GIPC2: variants seen among roughly 807,000 people sequenced by gnomAD.
The protein encoded by GIPC2 is GIPC PDZ domain containing family member 2.
A neutral mutation model predicts 30.6 loss-of-function variants in GIPC2; 30 were observed. The ratio of observed to expected loss-of-function variants is 0.98; its 90% CI spans 0.73 to 1.33. The LOEUF is 1.33. Among genes scored for constraint, GIPC2 ranks in the 40% most tolerant of loss-of-function variants. The pLI is 0.00. For synonymous variants in GIPC2, 167 were observed against 150.0 expected (o/e 1.11, Z -0.83); for missense variants, 414 against 390.3 (o/e 1.06, Z -0.51).
chr1:78,129,818 T>A (rs1248750570), intron 5 of GIPC2, among the ~76,000 whole-genome samples: 2 of 152,216 alleles, frequency 1.3e-5, no homozygotes, highest in Non-Finnish European at 2.9e-5. Context: ...AAGTTGTGTA[T>A]AGAACTATAA....
At chr1:78,045,809 A>G, upstream of GIPC2, 1 of 1,196,448 alleles carries the variant, frequency 8.4e-7, no homozygotes, top group Non-Finnish European at 1.0e-6. Context: ...GTTCACGTAA[A>G]TAGAGCCATT....
intron 3 of GIPC2, among the ~76,000 whole-genome samples, chr1:78,099,198 A>C (rs1464483889): frequency 1.3e-5 from 2 of 152,140 alleles, no homozygotes; most frequent in African/African-American, 4.8e-5. Flanking sequence ...TGCCCTAGAC[A>C]ATAATAGTTA....
At chr1:78,051,133 C>T (rs184617972) in intron 1 of GIPC2, among the ~76,000 whole-genome samples, 31 of 148,636 alleles carry the variant, frequency 2.1e-4, no homozygotes, top group African/African-American at 5.2e-4. Context: ...TAAGAAAAGA[C>T]GTATAATAAA....
chr1:78,101,416 A>G (rs1474013367), intron 3 of GIPC2, among the ~76,000 whole-genome samples: 2 of 152,258 alleles, frequency 1.3e-5, no homozygotes, highest in African/African-American at 2.4e-5. Context: ...AAAGTAGAAT[A>G]GAGTTGAAAA....
intron 1 of GIPC2, among the ~76,000 whole-genome samples, chr1:78,052,741 G>A (rs1486234948): frequency 2.0e-5 from 3 of 152,166 alleles, no homozygotes; most frequent in Non-Finnish European, 4.4e-5. Context: ...GGCTCTGTTT[G>A]CAAGCATAGT....
chr1:78,123,822 G>A (rs866467876), intron 4 of GIPC2, among the ~76,000 whole-genome samples: 5 of 152,134 alleles, frequency 3.3e-5, no homozygotes, highest in Non-Finnish European at 7.4e-5. Context: ...TAGATATAAA[G>A]GTTAATACCT....
chr1:78,092,109 T>C (rs113019062), intron 2 of GIPC2: 12 of 1,138,338 alleles, frequency 1.1e-5, no homozygotes, highest in Non-Finnish European at 1.5e-5. Context: ...CTGTGGTATA[T>C]GGAAAAGTAG....
chr1:78,133,652 A>ATGTAG (rs1337766681), intron 5 of GIPC2, among the ~76,000 whole-genome samples: 1 of 152,102 alleles, frequency 6.6e-6, no homozygotes, highest in African/African-American at 2.4e-5. Flanking sequence ...TACAGCATTA[A>ATGTAG]TGTAGTGTAG....
intron 5 of GIPC2, among the ~76,000 whole-genome samples, chr1:78,133,266 C>T (rs1050315423): frequency 6.6e-6 from 1 of 152,120 alleles, no homozygotes; most frequent in Admixed American, 6.6e-5. Flanking sequence ...AAAAAATACA[C>T]AGAAAAATAA....
intron 1 of GIPC2, among the ~76,000 whole-genome samples, chr1:78,062,829 T>C (rs1661419253): frequency 6.6e-6 from 1 of 152,168 alleles, no homozygotes. Flanking sequence ...GAACACCTAT[T>C]ACCACTTAAC....
intron 5 of GIPC2, among the ~76,000 whole-genome samples, chr1:78,126,531 T>G (rs1162706654): frequency 1.3e-5 from 2 of 150,358 alleles, no homozygotes; most frequent in African/African-American, 4.9e-5. Flanking sequence ...CAAAAAACCC[T>G]AATTCCAGCT....
intron 1 of GIPC2, among the ~76,000 whole-genome samples, chr1:78,056,131 C>T (rs7523750): frequency 1.2e-4 from 18 of 152,266 alleles, no homozygotes; most frequent in Admixed American, 1.2e-3. Context: ...TAATGTCTGT[C>T]TCTTCCATAA....
At chr1:78,135,302 A>T (rs1464519204) in intron 5 of GIPC2, among the ~76,000 whole-genome samples, 1 of 152,138 alleles carries the variant, frequency 6.6e-6, no homozygotes, top group Non-Finnish European at 1.5e-5. Flanking sequence ...TGTTCTACCC[A>T]TGGGAATGCC....
intron 1 of GIPC2, among the ~76,000 whole-genome samples, chr1:78,047,348 G>A (rs996214468): frequency 6.6e-6 from 1 of 152,178 alleles, no homozygotes. Flanking sequence ...TGTTTATCAG[G>A]TCTGTTCAAG....
chr1:78,125,186 A>G (rs1326365800), intron 4 of GIPC2, among the ~76,000 whole-genome samples: 1 of 152,060 alleles, frequency 6.6e-6, no homozygotes, highest in Admixed American at 6.6e-5. Flanking sequence ...GCATACCACC[A>G]CACCTGGTTA....
At chr1:78,105,076 TA>T (rs570553054) in intron 3 of GIPC2, among the ~76,000 whole-genome samples, 125 of 152,308 alleles carry the variant, frequency 8.2e-4, no homozygotes, top group Admixed American at 7.3e-3. Context: ...GTGTAATTGA[TA>T]AATTGGTTTT....
chr1:78,093,151 G>GA (rs904075576), intron 2 of GIPC2, among the ~76,000 whole-genome samples: 1 of 151,626 alleles, frequency 6.6e-6, no homozygotes, highest in Admixed American at 6.6e-5. Flanking sequence ...TAAAAACTAA[G>GA]AAAAAAAATC....
At chr1:78,128,773 C>T (rs557640076) in intron 5 of GIPC2, among the ~76,000 whole-genome samples, 4 of 151,920 alleles carry the variant, frequency 2.6e-5, no homozygotes, top group Admixed American at 2.6e-4. Flanking sequence ...TAACCCTAAC[C>T]CTAAAAGAGA....
chr1:78,054,927 C>G (rs76217078), intron 1 of GIPC2, among the ~76,000 whole-genome samples: 3,055 of 152,286 alleles, frequency 0.02, 69 homozygotes, highest in East Asian at 0.12. Flanking sequence ...TAGCCAGCCC[C>G]TTCACATTCT....
Sources: gnomAD v4.1 joint callset for allele counts (sites outside exome capture counted in the v4.1 genomes callset) on GRCh38, gnomAD v4.1.1 for gene constraint, MANE v1.5 for transcripts, NCBI Gene and HGNC (gene_info 2026-07-23, HGNC 2026-07-21) for gene names.